The following CHRDL1 variants were observed in gnomAD, a reference collection of about 807,000 sequenced individuals.
CHRDL1 encodes the protein chordin like 1, also known as chordin-like protein 1.
In CHRDL1, 19 loss-of-function variants were observed where a neutral mutation model predicts 40.9. The observed-to-expected ratio is 0.46, with a 90% CI of 0.32 to 0.68. The LOEUF (loss-of-function observed/expected upper bound fraction) is 0.68, where lower values mean the gene tolerates loss of function less well. Ranked by LOEUF, CHRDL1 falls within the 30% of genes least tolerant of loss-of-function variation. The probability of loss-of-function intolerance (pLI) is 0.03; values close to 1 mark genes in which losing one functional copy is unlikely to be tolerated. For synonymous variants in CHRDL1, 136 were observed against 123.4 expected (o/e 1.10, Z -0.68); for missense variants, 329 against 352.1 (o/e 0.93, Z 0.53).
intron 8 of CHRDL1, among the ~76,000 whole-genome samples, chrX:110,690,299 C>T (rs1330489866): frequency 1.9e-5 from 2 of 106,308 alleles, no homozygotes; most frequent in African/African-American, 6.9e-5. Context: ...CCGCCTGCCT[C>T]GGCCTCCCAA....
chrX:110,781,759 G>C (rs2089947504), intron 2 of CHRDL1, among the ~76,000 whole-genome samples: 1 of 111,841 alleles, frequency 8.9e-6, no homozygotes, highest in Admixed American at 9.5e-5. Context: ...CTGACTTGCA[G>C]GAAAGTCTGT....
At chrX:110,738,633 G>A (rs1194045023) in intron 4 of CHRDL1, among the ~76,000 whole-genome samples, 9 of 108,705 alleles carry the variant, frequency 8.3e-5, no homozygotes, top group Admixed American at 3.9e-4. Context: ...TCCCAGCTAC[G>A]TGGGAGGCTG....
chrX:110,733,039 G>GGTAGA (rs2071195608), intron 4 of CHRDL1, among the ~76,000 whole-genome samples: 1 of 112,368 alleles, frequency 8.9e-6, no homozygotes, highest in Non-Finnish European at 1.9e-5. Flanking sequence ...AACTGATTAT[G>GGTAGA]ATTATCTCCC....
At chrX:110,785,263 T>G (rs1275315115) in intron 2 of CHRDL1, among the ~76,000 whole-genome samples, 1 of 111,800 alleles carries the variant, frequency 8.9e-6, no homozygotes, top group Non-Finnish European at 1.9e-5. Context: ...TTACTACAAG[T>G]GCATTTTAGA....
chrX:110,778,684 C>A (rs1054557214), intron 2 of CHRDL1, among the ~76,000 whole-genome samples: 1 of 111,831 alleles, frequency 8.9e-6, no homozygotes, highest in African/African-American at 3.2e-5. Flanking sequence ...TTGTGGAAAG[C>A]AGTGTGGTGA....
intron 7 of CHRDL1, among the ~76,000 whole-genome samples, chrX:110,698,677 G>C (rs754681647): frequency 8.9e-6 from 1 of 111,797 alleles, no homozygotes; most frequent in Non-Finnish European, 1.9e-5. Context: ...CCTATCACTA[G>C]GCCTGTCAAT....
chrX:110,791,087 T>C (rs935427027), intron 2 of CHRDL1, among the ~76,000 whole-genome samples: 1 of 110,557 alleles, frequency 9.0e-6, no homozygotes, highest in African/African-American at 3.3e-5. Context: ...GCCTGATCTA[T>C]TTAACTTATG....
chrX:110,773,245 G>C (rs2089788701), intron 2 of CHRDL1, among the ~76,000 whole-genome samples: 1 of 111,727 alleles, frequency 9.0e-6, no homozygotes. Context: ...CACTGCATTT[G>C]CTGCAGCCTG....
chrX:110,745,624 C>A (rs1400978827), intron 4 of CHRDL1, among the ~76,000 whole-genome samples: 1 of 111,977 alleles, frequency 8.9e-6, no homozygotes, highest in Non-Finnish European at 1.9e-5. Flanking sequence ...GAGTGCCTAT[C>A]TTCTCCCCTC....
chrX:110,697,813 T>TCCACAC (rs1386763993), intron 7 of CHRDL1, among the ~76,000 whole-genome samples: 1 of 31,157 alleles, frequency 3.2e-5, no homozygotes, highest in East Asian at 1.1e-3. Flanking sequence ...ACCACACCAC[T>TCCACAC]CCACACACAC....
intron 4 of CHRDL1, among the ~76,000 whole-genome samples, chrX:110,745,044 G>A (rs2071427648): frequency 1.8e-5 from 2 of 108,232 alleles, no homozygotes; most frequent in African/African-American, 6.7e-5. Flanking sequence ...TCACCCACAC[G>A]CTTACATACA....
chrX:110,778,661 A>G (rs2089891084), intron 2 of CHRDL1, among the ~76,000 whole-genome samples: 1 of 111,962 alleles, frequency 8.9e-6, no homozygotes, highest in Non-Finnish European at 1.9e-5. Context: ...GAGGATGTAA[A>G]ATAGTTCAAC....
Position 110,708,692 on chromosome X carries a change from G to T in CHRDL1, c.542-7971C>A, listed in dbSNP as rs754596733. On this transcript the variant is annotated intron_variant, in intron 6 of 11. Transcript: ENST00000372042. ...CATAAATACTTACTTTTTAAAAAGT[G>T]CATTGTGAGAATGCATGCGTTTCCA... 3.6e-5 allele frequency among the ~76,000 whole-genome samples: 4 copies of T among 111,620 alleles called. No individual in the cohort carries two copies. In the South Asian group the frequency reaches 1.5e-3, roughly 42 times the overall value.
At chrX:110,722,385 C>T (rs768346578) in intron 4 of CHRDL1, among the ~76,000 whole-genome samples, 22 of 109,502 alleles carry the variant, frequency 2.0e-4, no homozygotes, top group Non-Finnish European at 4.0e-4. Context: ...ACCGAGACTG[C>T]CCACTCCCTG....
intron 4 of CHRDL1, among the ~76,000 whole-genome samples, chrX:110,747,638 A>G (rs957090631): frequency 2.7e-5 from 3 of 112,471 alleles, no homozygotes; most frequent in Non-Finnish European, 5.6e-5. Context: ...TATAACTTAC[A>G]TACGTACAAC....
chrX:110,788,107 CT>C (rs1402561294), intron 2 of CHRDL1, among the ~76,000 whole-genome samples: 1 of 112,354 alleles, frequency 8.9e-6, no homozygotes, highest in Non-Finnish European at 1.9e-5. Context: ...ACACAAGGAC[CT>C]TTTCCCAGCT....
intron 6 of CHRDL1, among the ~76,000 whole-genome samples, chrX:110,708,929 C>T (rs1291522180): frequency 2.7e-5 from 3 of 111,536 alleles, no homozygotes; most frequent in Non-Finnish European, 5.7e-5. Flanking sequence ...CTGTTCCTCC[C>T]GGTAGCCTCA....
chrX:110,769,129 C>T (rs775725401), intron 2 of CHRDL1, among the ~76,000 whole-genome samples: 2 of 112,109 alleles, frequency 1.8e-5, no homozygotes, highest in African/African-American at 6.5e-5. Context: ...ATCACATGGC[C>T]TAGTACACTG....
Position 110,681,605 on chromosome X carries a change from C to T in CHRDL1, c.1033G>A (p.Gly345Arg), listed in dbSNP as rs780795458. 3.4e-5 allele frequency: 41 copies of T among 1,206,229 alleles called. No individual in the cohort carries two copies. The highest frequency in any genetic ancestry group is 2.2e-4 in the Admixed American group (10 of 45,640). ...TCATACACAGGCATCGTTTCTTCCC[C>T]GCAGAAGTAGCCTTTATTGTCAAAG... The part of the protein sequence containing the change: ...QSFDNKGYFC[G>R]EETMPVYESV... Residue 345 changes from glycine (G) to arginine (R), a missense_variant, in exon 10 of 12, where the codon GGG (glycine) becomes AGG (arginine). By Grantham distance (125) the Gly-to-Arg change is moderately radical (BLOSUM62 -2). Transcript: ENST00000372042.
Sources: gnomAD v4.1 joint callset for allele counts (sites outside exome capture counted in the v4.1 genomes callset) on GRCh38, gnomAD v4.1.1 for gene constraint, MANE v1.5 for transcripts, NCBI Gene and HGNC (gene_info 2026-07-23, HGNC 2026-07-21) for gene names.